Variants in GRID1 observed in about 807,000 individuals in gnomAD.
GRID1 encodes glutamate ionotropic receptor delta type subunit 1.
In GRID1, 28 loss-of-function variants were observed where a neutral mutation model predicts 98.0. That is an observed-to-expected ratio of 0.29 (90% CI 0.21 to 0.39). GRID1 has a LOEUF of 0.39. Among genes scored for constraint, GRID1 ranks in the 10% least tolerant of loss-of-function variants. The pLI is 1.00. For missense variants in GRID1, 1,111 were observed against 1,340.5 expected, an observed-to-expected ratio of 0.83 and a Z score of 2.67; for synonymous variants, 553 against 538.5, an observed-to-expected ratio of 1.03 and a Z score of -0.37.
chr10:85,685,969 T>C (rs995124429), intron 12 of GRID1, among the ~76,000 whole-genome samples: 3 of 152,210 alleles, frequency 2.0e-5, no homozygotes, highest in Admixed American at 1.3e-4. Context: ...GAAAGATAGA[T>C]ATACTATGTT....
At position 85,613,417 on chromosome 10, in the gene GRID1, G is replaced by T. The variant is rs199648706; in HGVS notation, c.2591C>A (p.Thr864Asn). 6.2e-6 allele frequency: 10 copies of T among 1,612,852 alleles called. No individual in the cohort carries two copies. In the East Asian group the frequency reaches 2.2e-4, roughly 36 times the overall value. Residue 864 changes from threonine to asparagine, a missense_variant, in exon 15 of 16, where the codon ACC becomes AAC. Around this residue, in one of 3 missense-constraint regions of GRID1, gnomAD observed 762 missense variants for 869.1 expected, o/e 0.88. Coordinates refer to ENST00000327946, the MANE Select transcript of GRID1 (RefSeq NM_017551.3). ...CCCCAGGGTGCTGACCTCCTTGGGGGTCTCCTGGTGGCACCGGTTGCTGTT... is the reference window on the plus strand; with the variant it reads ...CCCCAGGGTGCTGACCTCCTTGGGGTTCTCCTGGTGGCACCGGTTGCTGTT... ...WWNSNRCHQE[T>N]PKEDKEVNLE...
chr10:85,997,006 A>G (rs1842747241), intron 4 of GRID1, among the ~76,000 whole-genome samples: 1 of 152,154 alleles, frequency 6.6e-6, no homozygotes, highest in African/African-American at 2.4e-5. Flanking sequence ...TAAACTGCTA[A>G]AAACTAGAGA....
intron 8 of GRID1, among the ~76,000 whole-genome samples, chr10:85,842,415 T>C (rs1842969363): frequency 6.6e-6 from 1 of 152,020 alleles, no homozygotes; most frequent in Admixed American, 6.6e-5. Flanking sequence ...CAAACCCCCA[T>C]GACACACATT....
chr10:86,270,416 G>C, intron 2 of GRID1, among the ~76,000 whole-genome samples: 1 of 151,844 alleles, frequency 6.6e-6, no homozygotes, highest in East Asian at 1.9e-4. Context: ...TGGTCCAGGC[G>C]CAGTGGCTCA....
rs147496102 is a variant in GRID1 at position 86,132,835 on chromosome 10, A to T, written c.726+5984T>A. Among the ~76,000 whole-genome samples the T allele has an allele frequency of 6.7e-3, 1,026 of 152,364 alleles. 11 individuals carry two copies. The highest frequency in any genetic ancestry group is 7.1e-3 in the Non-Finnish European group (484 of 68,032). On this transcript the variant is annotated intron_variant, in intron 4 of 15. Coordinates refer to ENST00000327946, the MANE Select transcript of GRID1 (RefSeq NM_017551.3). ...AACCCAGGCTGGGCTTCTATGAAGGATCAAATTGACCTCCAGGCACACTCC... is the reference window on the plus strand; with the variant it reads ...AACCCAGGCTGGGCTTCTATGAAGGTTCAAATTGACCTCCAGGCACACTCC...
chr10:86,335,877 C>T (rs1010079253), intron 2 of GRID1, among the ~76,000 whole-genome samples: 2 of 152,238 alleles, frequency 1.3e-5, no homozygotes, highest in African/African-American at 4.8e-5. Flanking sequence ...CTCCAACCTG[C>T]CCCACAACTG....
chr10:85,992,090 G>A (rs1842687202), intron 4 of GRID1, among the ~76,000 whole-genome samples: 1 of 152,174 alleles, frequency 6.6e-6, no homozygotes. Flanking sequence ...GAGCCAGCTG[G>A]TGCAAGTGCA....
At chr10:86,154,497 G>A (rs988409258) in intron 3 of GRID1, among the ~76,000 whole-genome samples, 3 of 152,070 alleles carry the variant, frequency 2.0e-5, no homozygotes, top group African/African-American at 7.2e-5. Flanking sequence ...GTCTCCAGAA[G>A]GGCCCCCGGC....
Position 85,746,213 on chromosome 10 carries a change from C to T in GRID1, c.1234-16599G>A, listed in dbSNP as rs76750270. Among the ~76,000 whole-genome samples, 465 of 152,282 alleles carry T rather than the reference C, an allele frequency of 3.1e-3. 3 individuals are homozygous for T. Among genetic ancestry groups the T allele is most frequent in the African/African-American group, 0.011 (443 of 41,544 alleles). ...CAAAGAGCTTCATCTGTACCTCAAC[C>T]TGACTTAGATGATAAGATCCTAGAC... is the stretch of plus-strand genomic sequence containing the variant. On this transcript the variant is annotated intron_variant, in intron 8 of 15. Transcript: ENST00000327946.
intron 5 of GRID1, among the ~76,000 whole-genome samples, chr10:85,908,631 A>G (rs1002234505): frequency 1.3e-5 from 2 of 152,238 alleles, no homozygotes; most frequent in Non-Finnish European, 2.9e-5. Context: ...GTACAGATTC[A>G]CTGCAATCCC....
At chr10:85,781,960 A>C (rs1317402749) in intron 8 of GRID1, among the ~76,000 whole-genome samples, 3 of 152,234 alleles carry the variant, frequency 2.0e-5, no homozygotes, top group Non-Finnish European at 4.4e-5. Flanking sequence ...TTAGGAGGCC[A>C]GGAATTCTCA....
intron 8 of GRID1, among the ~76,000 whole-genome samples, chr10:85,774,055 C>T (rs1165843611): frequency 3.3e-5 from 5 of 152,274 alleles, no homozygotes; most frequent in East Asian, 3.9e-4. Flanking sequence ...GTAGGCATCA[C>T]GCTATCTGAC....
chr10:85,906,746 T>G (rs2131819013), intron 5 of GRID1, among the ~76,000 whole-genome samples: 1 of 152,128 alleles, frequency 6.6e-6, no homozygotes, highest in South Asian at 2.1e-4. Flanking sequence ...ACTAAATCAC[T>G]TAAGGGGAAA....
chr10:85,890,824 A>C (rs752924612), intron 5 of GRID1, among the ~76,000 whole-genome samples: 1 of 152,200 alleles, frequency 6.6e-6, no homozygotes, highest in South Asian at 2.1e-4. Context: ...TGAGTTATTT[A>C]GAATTACACA....
intron 12 of GRID1, among the ~76,000 whole-genome samples, chr10:85,717,592 G>T (rs1841654254): frequency 6.6e-6 from 1 of 152,180 alleles, no homozygotes; most frequent in African/African-American, 2.4e-5. Context: ...CTGAGATTTG[G>T]ATGGAGGCAG....
chr10:86,014,418 G>A (rs898767592), intron 4 of GRID1, among the ~76,000 whole-genome samples: 1 of 152,228 alleles, frequency 6.6e-6, no homozygotes, highest in African/African-American at 2.4e-5. Context: ...GATTCACTAA[G>A]TGAGTCAAAA....
chr10:85,844,420 TACACAC>T (rs55706189), intron 8 of GRID1, among the ~76,000 whole-genome samples: 8,287 of 133,738 alleles, frequency 0.062, 277 homozygotes, highest in South Asian at 0.1. Context: ...TACAACTAAA[TACACAC>T]ACACACACAC....
chr10:85,692,176 T>G (rs1182519231), intron 12 of GRID1, among the ~76,000 whole-genome samples: 1 of 152,132 alleles, frequency 6.6e-6, no homozygotes, highest in African/African-American at 2.4e-5. Context: ...TCTCTCAAGC[T>G]CCACTGTCCG....
intron 4 of GRID1, among the ~76,000 whole-genome samples, chr10:85,932,342 G>A (rs1841867158): frequency 6.6e-6 from 1 of 152,126 alleles, no homozygotes; most frequent in Admixed American, 6.5e-5. Context: ...CTCCTGAGTA[G>A]CTATTACTAC....
Sources: allele counts gnomAD v4.1 joint callset (sites outside exome capture counted in the v4.1 genomes callset), GRCh38; gene constraint gnomAD v4.1.1; regional missense constraint gnomAD v4.1.1; transcripts MANE v1.5; gene names NCBI Gene and HGNC (gene_info 2026-07-23, HGNC 2026-07-21).